PTPRN2: variants seen among roughly 807,000 people sequenced by gnomAD.
PTPRN2 encodes protein tyrosine phosphatase receptor type N2.
A neutral mutation model predicts 118.8 loss-of-function variants in PTPRN2; 74 were observed. That is an observed-to-expected ratio of 0.62 (90% CI 0.52 to 0.76). The LOEUF is 0.76. Among genes scored for constraint, PTPRN2 ranks in the 30% least tolerant of loss-of-function variants. The pLI is 0.00. For synonymous variants in PTPRN2, 641 were observed against 608.0 expected (o/e 1.05, Z -0.80); for missense variants, 1,481 against 1,394.4 (o/e 1.06, Z -0.99).
intron 11 of PTPRN2, among the ~76,000 whole-genome samples, chr7:157,985,498 A>ACC (rs1803713435): frequency 6.6e-6 from 1 of 152,160 alleles, no homozygotes; most frequent in African/African-American, 2.4e-5. Flanking sequence ...GACATATCAC[A>ACC]CTATGTCACT....
intron 12 of PTPRN2, among the ~76,000 whole-genome samples, chr7:157,767,827 T>G (rs1381273903): frequency 6.6e-6 from 1 of 152,258 alleles, no homozygotes; most frequent in Admixed American, 6.5e-5. Context: ...AAGCAGAAAC[T>G]TCCAGCTCTG....
chr7:157,904,617 G>A lies in PTPRN2; in HGVS notation c.1724-5880C>T, dbSNP rs536388868. ...AGATTGCTGAGTGCTTTTCGGGGGCGTCTACGCGTTCCCTTGGCGCTGTGG... is the reference window on the plus strand; with the variant it reads ...AGATTGCTGAGTGCTTTTCGGGGGCATCTACGCGTTCCCTTGGCGCTGTGG... On this transcript the variant is annotated intron_variant, in intron 11 of 22. Transcript: ENST00000389418. Among the ~76,000 whole-genome samples, 888 of 152,360 alleles carry A rather than the reference G, an allele frequency of 5.8e-3. 5 individuals are homozygous for A. Among genetic ancestry groups the A allele is most frequent in the African/African-American group, 0.014 (570 of 41,586 alleles).
At chr7:158,571,508 A>C (rs1242837507) in intron 1 of PTPRN2, among the ~76,000 whole-genome samples, 3 of 148,326 alleles carry the variant, frequency 2.0e-5, no homozygotes, top group Admixed American at 6.8e-5. Context: ...AAAACAAAAA[A>C]AAACACACAC....
chr7:157,765,903 C>CCCAT (rs1419367575), intron 12 of PTPRN2, among the ~76,000 whole-genome samples: 2 of 146,016 alleles, frequency 1.4e-5, no homozygotes, highest in Admixed American at 1.4e-4. Flanking sequence ...CATCCACCCA[C>CCCAT]CCATCCATCC....
chr7:157,620,863 C>G (rs1052854693), intron 15 of PTPRN2, among the ~76,000 whole-genome samples: 2 of 152,116 alleles, frequency 1.3e-5, no homozygotes, highest in African/African-American at 4.8e-5. Context: ...GGCTGTTTCC[C>G]CCGCCTGTAA....
intron 3 of PTPRN2, among the ~76,000 whole-genome samples, chr7:158,257,472 G>T (rs1302304188): frequency 1.3e-5 from 2 of 152,200 alleles, no homozygotes; most frequent in Admixed American, 6.5e-5. Context: ...TTCGAATCCA[G>T]TCAGGCATCC....
chr7:158,149,966 A>G (rs886938704), intron 6 of PTPRN2, among the ~76,000 whole-genome samples: 2 of 152,248 alleles, frequency 1.3e-5, no homozygotes, highest in Non-Finnish European at 2.9e-5. Flanking sequence ...ATAGAAAGTA[A>G]GCAACACAAT....
chr7:158,489,695 G>T, intron 2 of PTPRN2, 40 bp downstream of exon 2: 1 of 1,546,998 alleles, frequency 6.5e-7, no homozygotes. Flanking sequence ...GGGCAGGAGA[G>T]GGGCAGACCA....
At chr7:157,975,696 G>A (rs1802694240) in intron 11 of PTPRN2, among the ~76,000 whole-genome samples, 1 of 152,082 alleles carries the variant, frequency 6.6e-6, no homozygotes, top group South Asian at 2.1e-4. Context: ...TGCCCTCCGT[G>A]TCTGGTATTC....
chr7:157,863,024 G>A (rs28452577), intron 12 of PTPRN2: 15,683 of 152,290 alleles, frequency 0.1, 1,008 homozygotes, highest in East Asian at 0.31. Context: ...CACTTGGTGG[G>A]CAGTTACAAG....
intron 11 of PTPRN2, among the ~76,000 whole-genome samples, chr7:157,962,268 C>T (rs745525611): frequency 6.6e-6 from 1 of 152,222 alleles, no homozygotes; most frequent in Non-Finnish European, 1.5e-5. Flanking sequence ...GATGAAAACA[C>T]GCCGCTGCCA....
chr7:157,625,823 C>T lies in PTPRN2; in HGVS notation c.2197-4314G>A, dbSNP rs147580537. Among the ~76,000 whole-genome samples, 777 of 152,116 alleles carry T rather than the reference C, an allele frequency of 5.1e-3. 6 individuals are homozygous for T. Among genetic ancestry groups the T allele is most frequent in the Non-Finnish European group, 9.2e-3 (625 of 68,018 alleles). ...TGTGTGAGAGAGTGTGGTGGTGGGA[C>T]GGCTTAGTTTCTTAAGGCACTGCAA... On this transcript the variant is annotated intron_variant, in intron 14 of 22. Transcript: ENST00000389418.
chr7:158,281,245 T>C (rs1408571917), intron 3 of PTPRN2, among the ~76,000 whole-genome samples: 1 of 152,218 alleles, frequency 6.6e-6, no homozygotes, highest in Admixed American at 6.5e-5. Flanking sequence ...GCTGGGATCA[T>C]GCCACTGCAC....
chr7:158,343,709 C>A (rs1231882101), intron 2 of PTPRN2, among the ~76,000 whole-genome samples: 1 of 151,562 alleles, frequency 6.6e-6, no homozygotes, highest in Non-Finnish European at 1.5e-5. Flanking sequence ...GGCAGCCATG[C>A]TCGTGGCACG....
Position 157,678,170 on chromosome 7 carries a change from T to G in PTPRN2, c.2001+4555A>C, listed in dbSNP as rs112552254. Among the ~76,000 whole-genome samples, 305 of 152,360 alleles carry G rather than the reference T, an allele frequency of 2.0e-3. 3 individuals are homozygous for G. The highest frequency in any genetic ancestry group is 7.0e-3 in the African/African-American group (290 of 41,584). ...TGGCACAGTTTTCACAGGGTGCCCT[T>G]CATTTTTGAAGCAGCATAGGTTTTG... On this transcript the variant is annotated intron_variant, in intron 13 of 22. Transcript: ENST00000389418.
intron 2 of PTPRN2, among the ~76,000 whole-genome samples, chr7:158,453,172 G>A (rs7384900): frequency 1.9e-5 from 1 of 52,002 alleles, no homozygotes; most frequent in Middle Eastern, 0.015. Flanking sequence ...AGTCCTCACC[G>A]TACGGTGCAG....
At chr7:157,650,503 C>T (rs554215893) in intron 14 of PTPRN2, among the ~76,000 whole-genome samples, 8 of 152,352 alleles carry the variant, frequency 5.3e-5, no homozygotes, top group South Asian at 2.1e-4. Context: ...GTTCGCCCTG[C>T]GGCCTGGTTT....
At chr7:157,660,149 T>G (rs553703778) in intron 13 of PTPRN2, among the ~76,000 whole-genome samples, 1 of 152,258 alleles carries the variant, frequency 6.6e-6, no homozygotes, top group African/African-American at 2.4e-5. Flanking sequence ...ACACAATTTC[T>G]CCAGAAAAAT....
intron 1 of PTPRN2, among the ~76,000 whole-genome samples, chr7:158,512,614 A>G (rs2129447135): frequency 6.6e-6 from 1 of 152,266 alleles, no homozygotes; most frequent in African/African-American, 2.4e-5. Flanking sequence ...TCCTACAGGC[A>G]AGGACATCCC....
Sources: allele counts gnomAD v4.1 joint callset (sites outside exome capture counted in the v4.1 genomes callset), GRCh38; gene constraint gnomAD v4.1.1; transcripts MANE v1.5; gene names NCBI Gene and HGNC (gene_info 2026-07-23, HGNC 2026-07-21).